PDE1A: variants seen among roughly 807,000 people sequenced by gnomAD.
PDE1A encodes the protein phosphodiesterase 1A.
Under a neutral mutation model 61.7 loss-of-function variants are expected in PDE1A, and 35 were observed. The ratio of observed to expected loss-of-function variants is 0.57; its 90% CI spans 0.43 to 0.75. The LOEUF is 0.75. Among genes scored for constraint, PDE1A ranks in the 30% least tolerant of loss-of-function variants. The pLI, the probability that PDE1A is intolerant of heterozygous loss-of-function variation, is 0.00. For missense variants in PDE1A, 597 were observed against 630.6 expected (o/e 0.95, Z 0.57); for synonymous variants, 232 against 213.2 (o/e 1.09, Z -0.77).
intron 2 of PDE1A, among the ~76,000 whole-genome samples, chr2:182,487,968 G>A (rs1688122714): frequency 6.6e-6 from 1 of 152,136 alleles, no homozygotes; most frequent in African/African-American, 2.4e-5. Flanking sequence ...TTCAATGCAT[G>A]TGTCAAGATC....
chr2:182,185,873 G>A lies in PDE1A; in HGVS notation c.1516+19C>T, dbSNP rs368452815. 4 of 1,613,042 alleles carry A rather than the reference G, an allele frequency of 2.5e-6. No individual in the cohort carries two copies. Among genetic ancestry groups the A allele is most frequent in the African/African-American group, 1.3e-5 (1 of 74,886 alleles). On this transcript the variant is annotated intron_variant, in intron 13 of 13. Coordinates refer to ENST00000351439, the Ensembl canonical transcript of PDE1A. Reference sequence around the variant, plus strand: ...GAAGACAGAGAGAGATGGCAGTAAGGCCTCATAAACAACACTACCTTGTGC... The same window carrying A: ...GAAGACAGAGAGAGATGGCAGTAAGACCTCATAAACAACACTACCTTGTGC...
At chr2:182,306,989 A>G (rs2125933140) in intron 1 of PDE1A, among the ~76,000 whole-genome samples, 1 of 152,316 alleles carries the variant, frequency 6.6e-6, no homozygotes, top group East Asian at 1.9e-4. Flanking sequence ...CAGCAAAGCT[A>G]CAATTAGCAG....
the PDE1A span, among the ~76,000 whole-genome samples, chr2:182,694,848 G>T: frequency 6.1e-4 from 87 of 142,644 alleles, no homozygotes; most frequent in South Asian, 1.1e-3. Flanking sequence ...ACAGTTGTTT[G>T]TTTGTTTTTT....
chr2:182,703,055 C>A, the PDE1A span, among the ~76,000 whole-genome samples: 4 of 152,090 alleles, frequency 2.6e-5, no homozygotes, highest in African/African-American at 9.7e-5. Context: ...TGTACTTAAG[C>A]TGATTGTTAA....
At chr2:182,568,599 A>G in the PDE1A span, among the ~76,000 whole-genome samples, 1 of 151,914 alleles carries the variant, frequency 6.6e-6, no homozygotes, top group Non-Finnish European at 1.5e-5. Context: ...CCGGGAGGGG[A>G]GCTTGCAGTG....
chr2:182,711,692 T>C, the PDE1A span, among the ~76,000 whole-genome samples: 2 of 152,206 alleles, frequency 1.3e-5, no homozygotes, highest in African/African-American at 4.8e-5. Context: ...AACATCTTAT[T>C]GTGCACTAAA....
At chr2:182,689,957 A>G in the PDE1A span, among the ~76,000 whole-genome samples, 1 of 152,206 alleles carries the variant, frequency 6.6e-6, no homozygotes, top group Non-Finnish European at 1.5e-5. Flanking sequence ...CTTGACACAT[A>G]CACCCTCCCA....
intron 1 of PDE1A, among the ~76,000 whole-genome samples, chr2:182,295,168 G>A (rs1284642711): frequency 1.6e-5 from 2 of 126,970 alleles, no homozygotes; most frequent in African/African-American, 3.0e-5. Context: ...TCTGCCTCCC[G>A]AGTTCACGCC....
At position 182,199,040 on chromosome 2, in the gene PDE1A, T is replaced by G. The variant is rs538068880; in HGVS notation, c.1125+2399A>C. Among the ~76,000 whole-genome samples the G allele has an allele frequency of 5.9e-5, 9 of 152,098 alleles. No individual in the cohort carries two copies. In the East Asian group the frequency reaches 1.2e-3, roughly 20 times the overall value. ...AACTTTTGAAACAGATATATGAATA[T>G]TCAGACTACATGATTTTTTCTTGTG... On this transcript the variant is annotated intron_variant, in intron 10 of 13. Coordinates refer to ENST00000351439, the Ensembl canonical transcript of PDE1A.
At chr2:182,219,747 A>G (rs1248505300) in intron 7 of PDE1A, among the ~76,000 whole-genome samples, 1 of 152,120 alleles carries the variant, frequency 6.6e-6, no homozygotes. Flanking sequence ...TTTATGATAG[A>G]GTAGACAAGG....
At chr2:182,268,156 G>A (rs919097420) in intron 1 of PDE1A, among the ~76,000 whole-genome samples, 1 of 152,028 alleles carries the variant, frequency 6.6e-6, no homozygotes, top group Non-Finnish European at 1.5e-5. Flanking sequence ...TAGGGTGAGG[G>A]CATGTTCTTG....
At chr2:182,540,059 C>G in the PDE1A span, among the ~76,000 whole-genome samples, 2 of 152,042 alleles carry the variant, frequency 1.3e-5, no homozygotes, top group Non-Finnish European at 2.9e-5. Flanking sequence ...GACATCAAAT[C>G]ATTTATTGAA....
At chr2:182,463,118 G>A (rs2125773730) in intron 2 of PDE1A, among the ~76,000 whole-genome samples, 1 of 152,148 alleles carries the variant, frequency 6.6e-6, no homozygotes, top group East Asian at 1.9e-4. Flanking sequence ...GCATGCACCT[G>A]TAGTACCAGC....
At chr2:182,474,784 C>T (rs1389016287) in intron 2 of PDE1A, among the ~76,000 whole-genome samples, 1 of 151,848 alleles carries the variant, frequency 6.6e-6, no homozygotes, top group Non-Finnish European at 1.5e-5. Context: ...AAGACGATGA[C>T]CAAGAACACT....
chr2:182,682,603 A>T, the PDE1A span, among the ~76,000 whole-genome samples: 1 of 152,188 alleles, frequency 6.6e-6, no homozygotes, highest in East Asian at 1.9e-4. Flanking sequence ...TTCTATGTTT[A>T]ATCAAAGAAG....
At chr2:182,281,248 G>T (rs1693783329) in intron 1 of PDE1A, among the ~76,000 whole-genome samples, 1 of 151,832 alleles carries the variant, frequency 6.6e-6, no homozygotes, top group Non-Finnish European at 1.5e-5. Context: ...GTGATATTCT[G>T]TCAAGTTCTA....
At chr2:182,427,280 C>T (rs115213426), upstream of PDE1A, among the ~76,000 whole-genome samples, 398 of 152,220 alleles carry the variant, frequency 2.6e-3, 1 homozygote, top group Non-Finnish European at 3.4e-3. Flanking sequence ...AGTGTGGAGA[C>T]GACTCATCAT....
the PDE1A span, among the ~76,000 whole-genome samples, chr2:182,574,761 G>A: frequency 6.6e-6 from 1 of 152,018 alleles, no homozygotes; most frequent in Non-Finnish European, 1.5e-5. Context: ...GCACAACCTC[G>A]GCTCACTGTA....
At chr2:182,559,570 G>A in the PDE1A span, among the ~76,000 whole-genome samples, 9 of 151,992 alleles carry the variant, frequency 5.9e-5, no homozygotes, top group East Asian at 5.8e-4. Context: ...ACTACTTTAC[G>A]GTACCTACTA....
Sources: gnomAD v4.1 joint callset for allele counts (sites outside exome capture counted in the v4.1 genomes callset) on GRCh38, gnomAD v4.1.1 for gene constraint, MANE v1.5 for transcripts, NCBI Gene and HGNC (gene_info 2026-07-23, HGNC 2026-07-21) for gene names.